PLAA: variants seen among roughly 807,000 people sequenced by gnomAD.
PLAA encodes the protein phospholipase A2 activating protein.
PLAA carries 48 observed loss-of-function variants against 84.1 expected under a neutral mutation model. That is an observed-to-expected ratio of 0.57 (90% CI 0.45 to 0.73). The LOEUF (loss-of-function observed/expected upper bound fraction) is 0.73, where lower values mean the gene tolerates loss of function less well. Among genes scored for constraint, PLAA ranks in the 30% least tolerant of loss-of-function variants. PLAA has a pLI of 0.00. For synonymous variants in PLAA, 392 were observed against 336.6 expected, an observed-to-expected ratio of 1.16 and a Z score of -1.80; for missense variants, 903 against 954.7, an observed-to-expected ratio of 0.95 and a Z score of 0.71.
chr9:26,946,370 G>A (rs1193547164), intron 1 of PLAA, among the ~76,000 whole-genome samples: 1 of 151,512 alleles, frequency 6.6e-6, no homozygotes, highest in Non-Finnish European at 1.5e-5. Flanking sequence ...CAAAACATCC[G>A]AGAGGTTTCA....
intron 2 of PLAA, among the ~76,000 whole-genome samples, chr9:26,933,426 T>G (rs1825249155): frequency 6.6e-6 from 1 of 151,848 alleles, no homozygotes; most frequent in African/African-American, 2.4e-5. Context: ...CACTCCAGCC[T>G]GGTGACAGAC....
chr9:26,925,776 C>CTT (rs766598298), intron 6 of PLAA, 49 bp downstream of exon 6: 3 of 1,554,134 alleles, frequency 1.9e-6, no homozygotes, highest in Non-Finnish European at 2.7e-6. Context: ...CTAGTTCCTA[C>CTT]TGAAGGCCTA....
chr9:26,931,343 A>G (rs946931931), intron 2 of PLAA, among the ~76,000 whole-genome samples: 2 of 152,206 alleles, frequency 1.3e-5, no homozygotes, highest in Admixed American at 6.5e-5. Flanking sequence ...TTAGAATTAC[A>G]GTACAATCAT....
intron 1 of PLAA, among the ~76,000 whole-genome samples, chr9:26,939,382 C>T (rs928469674): frequency 1.3e-5 from 2 of 149,988 alleles, no homozygotes; most frequent in East Asian, 3.9e-4. Flanking sequence ...ACTGAAACTC[C>T]GTCTCAAAAA....
At position 26,926,533 on chromosome 9, in the gene PLAA, GC is replaced by G. The variant is rs1487671307; in HGVS notation, c.592del (p.Ala198GlnfsTer3). 2 of 1,613,280 alleles carry G rather than the reference GC, an allele frequency of 1.2e-6. No individual in the cohort carries two copies. Among genetic ancestry groups the G allele is most frequent in the Non-Finnish European group, 8.5e-7 (1 of 1,179,614 alleles). ...AAGAAATTCTGTTTCACTCAAAATT[GC>G]CAAACCTCTTACACAGTCTTCATGC... is the stretch of plus-strand genomic sequence containing the variant. The part of the protein sequence containing the change: ...SGHEDCVRGL[A>X]ILSETEFLSC... On this transcript the variant is annotated frameshift_variant, in exon 5 of 14. Coordinates refer to ENST00000397292, the MANE Select transcript of PLAA (RefSeq NM_001031689.3). LOFTEE classifies it high-confidence loss of function.
At chr9:26,914,050 G>A (rs753219647) in intron 10 of PLAA, 103 bp from the exon 11 acceptor site, 42 of 784,128 alleles carry the variant, frequency 5.4e-5, no homozygotes, top group Non-Finnish European at 7.7e-5. Context: ...TCACAATGGC[G>A]TCATTATATA....
rs1306697103 is a variant in PLAA, at chr9:26,926,546, C to T, written c.580G>A (p.Val194Ile). ...TCACTCAAAATTGCCAAACCTCTTACACAGTCTTCATGCCCTGCATTAAAA... is the reference window on the plus strand; with the variant it reads ...TCACTCAAAATTGCCAAACCTCTTATACAGTCTTCATGCCCTGCATTAAAA... ...ERTFSGHEDC[V>I]RGLAILSETE... Residue 194 changes from valine to isoleucine, a missense_variant, in exon 5 of 14, where the codon GTA (valine) becomes ATA (isoleucine). Coordinates refer to ENST00000397292, the MANE Select transcript of PLAA (RefSeq NM_001031689.3). 6.2e-7 allele frequency: 1 copy of T among 1,613,168 alleles called. No homozygotes were observed.
chr9:26,942,924 TG>T (rs1244451502), intron 1 of PLAA, among the ~76,000 whole-genome samples: 1 of 137,576 alleles, frequency 7.3e-6, no homozygotes, highest in African/African-American at 2.7e-5. Flanking sequence ...GCATACGTGA[TG>T]GGGTGAGTGG....
chr9:26,920,645 T>C (rs76801355), intron 7 of PLAA, among the ~76,000 whole-genome samples: 7,086 of 152,256 alleles, frequency 0.047, 202 homozygotes, highest in South Asian at 0.099. Context: ...AAACAAGTTT[T>C]ATTAGTGAAT....
At chr9:26,939,336 C>A (rs554073973) in intron 1 of PLAA, among the ~76,000 whole-genome samples, 2 of 151,500 alleles carry the variant, frequency 1.3e-5, no homozygotes, top group African/African-American at 4.9e-5. Context: ...TGCAGTGAGC[C>A]GAGATTGCGC....
At chr9:26,922,693 G>GTTTTTTGTT in intron 7 of PLAA, among the ~76,000 whole-genome samples, 1 of 148,716 alleles carries the variant, frequency 6.7e-6, no homozygotes, top group Non-Finnish European at 1.5e-5. Flanking sequence ...TTGAGACAGA[G>GTTTTTTGTT]TCACACTCTG....
intron 9 of PLAA, among the ~76,000 whole-genome samples, chr9:26,918,192 A>C (rs528196047): frequency 1.3e-5 from 2 of 151,132 alleles, no homozygotes; most frequent in African/African-American, 4.9e-5. Context: ...GCTCGCTGCC[A>C]CCTCTGCCTC....
chr9:26,905,106 G>T lies in PLAA; in HGVS notation c.*405C>A. 1 of 158,884 alleles carries T rather than the reference G, an allele frequency of 6.3e-6. No individual in the cohort carries two copies. Among genetic ancestry groups the T allele is most frequent in the Non-Finnish European group, 1.4e-5 (1 of 72,012 alleles). 9.8% of individuals were successfully genotyped at this position (158,884 alleles called of 1,614,324 possible). ...CAAGACCTTGAAATGTATCAGTGCT[G>T]TTCGAAGGATCTAGCAATGAAGGTG... On this transcript the variant is annotated 3_prime_UTR_variant, in exon 14 of 14. Transcript: ENST00000397292.
Position 26,928,366 on chromosome 9 carries a change from C to A in PLAA, c.386G>T (p.Gly129Val). ...SSGKFGTLLSGSWDTTAKVWL... is the reference protein window; with the variant it reads ...SSGKFGTLLSVSWDTTAKVWL... ...GACTTTAGCAGTGGTGTCCCATGAA[C>A]CACTAAGTAATGTCCCAAATTTTCC... The change falls in exon 3 of 14, where the codon GGT becomes GTT. Residue 129 changes from glycine to valine, a missense_variant. Gly to Val is a moderately radical substitution (Grantham distance 109). Coordinates refer to ENST00000397292, the MANE Select transcript of PLAA (RefSeq NM_001031689.3). The A allele has an allele frequency of 6.2e-7, 1 of 1,614,068 alleles. No homozygotes were observed. The highest frequency in any genetic ancestry group is 8.5e-7 in the Non-Finnish European group (1 of 1,179,938).
rs1399946043 is a variant in PLAA, at chr9:26,905,790, A to G, written c.2109T>C (p.Ala703=). Residue 703 remains alanine (A), a synonymous_variant, in exon 14 of 14, where the codon GCT becomes GCC. Transcript: ENST00000397292. ...GSNKNIHIAL[A]TLALNYSVCF... ...AAACAGAATAGTTCAGGGCCAATGT[A>G]GCCAGAGCAATGTGAATGTTCTTAT... is the stretch of plus-strand genomic sequence containing the variant. 1.3e-5 allele frequency: 21 copies of G among 1,614,234 alleles called. No individual in the cohort carries two copies. The highest frequency in any genetic ancestry group is 1.6e-5 in the Non-Finnish European group (19 of 1,180,028).
At chr9:26,929,398 T>C (rs1227180025) in intron 2 of PLAA, among the ~76,000 whole-genome samples, 2 of 151,894 alleles carry the variant, frequency 1.3e-5, no homozygotes, top group Non-Finnish European at 2.9e-5. Context: ...TGCTTGAGCA[T>C]GGGAGGCCAA....
intron 10 of PLAA, chr9:26,916,643 T>TTGGTA (rs1222700372): frequency 3.0e-6 from 3 of 989,798 alleles, no homozygotes; most frequent in African/African-American, 1.7e-5. Context: ...CTGCTCGTGA[T>TTGGTA]TGGTAGCATC....
At chr9:26,916,558 T>C in intron 10 of PLAA, 1 of 987,136 alleles carries the variant, frequency 1.0e-6, no homozygotes, top group Non-Finnish European at 1.2e-6. Context: ...CCTTCCATGT[T>C]AAGTCAAAAT....
intron 1 of PLAA, among the ~76,000 whole-genome samples, chr9:26,938,911 CTG>C (rs1437962710): frequency 6.6e-6 from 1 of 152,068 alleles, no homozygotes; most frequent in African/African-American, 2.4e-5. Context: ...AGATGTAATT[CTG>C]TGACACCAAC....
Sources: gnomAD v4.1 joint callset for allele counts (sites outside exome capture counted in the v4.1 genomes callset) on GRCh38, gnomAD v4.1.1 for gene constraint, MANE v1.5 for transcripts, NCBI Gene and HGNC (gene_info 2026-07-23, HGNC 2026-07-21) for gene names.